Variants in CPED1 observed in about 807,000 individuals in gnomAD.
CPED1 encodes cadherin like and PC-esterase domain containing 1, also known as cadherin-like and PC-esterase domain-containing protein 1.
A neutral mutation model predicts 128.2 loss-of-function variants in CPED1; 114 were observed. That is an observed-to-expected ratio of 0.89 (90% CI 0.76 to 1.04). The LOEUF (loss-of-function observed/expected upper bound fraction) is 1.04. Ranked by LOEUF, CPED1 falls within the 50% of genes least tolerant of loss-of-function variation. The pLI is 0.00. For missense variants in CPED1, 1,211 were observed against 1,207.1 expected, an observed-to-expected ratio of 1.00 and a Z score of -0.05; for synonymous variants, 462 against 426.7, an observed-to-expected ratio of 1.08 and a Z score of -1.02.
intron 16 of CPED1, among the ~76,000 whole-genome samples, chr7:121,208,442 C>T (rs1450833211): frequency 6.6e-6 from 1 of 151,924 alleles, no homozygotes; most frequent in Non-Finnish European, 1.5e-5. Flanking sequence ...TTTATTGAGC[C>T]CTCACCATTT....
At position 121,009,611 on chromosome 7, in the gene CPED1, A is replaced by AG. The variant is rs1792111369; in HGVS notation, c.250-6054_250-6053insG. 2.6e-5 allele frequency among the ~76,000 whole-genome samples: 4 copies of AG among 151,454 alleles called. No individual in the cohort carries two copies. In the South Asian group the frequency reaches 8.3e-4, roughly 32 times the overall value. On this transcript the variant is annotated intron_variant, in intron 2 of 22. Coordinates refer to ENST00000310396, the MANE Select transcript of CPED1 (RefSeq NM_024913.5). Reference sequence around the variant, plus strand: ...GACAGAGCCAGCCCCTGTCTCAAAAAAAAAAAAAAAAAAAAAGTTCACATT... The same window carrying AG: ...GACAGAGCCAGCCCCTGTCTCAAAAAGAAAAAAAAAAAAAAAAGTTCACATT...
At chr7:121,197,646 T>TG (rs1797300339) in intron 16 of CPED1, among the ~76,000 whole-genome samples, 1 of 152,036 alleles carries the variant, frequency 6.6e-6, no homozygotes, top group African/African-American at 2.4e-5. Flanking sequence ...TGTGTGTGTG[T>TG]TTGTGCATGC....
intron 5 of CPED1, among the ~76,000 whole-genome samples, chr7:121,069,004 C>T (rs910555356): frequency 2.6e-5 from 4 of 151,960 alleles, no homozygotes; most frequent in Non-Finnish European, 4.4e-5. Context: ...GTATGCCTAC[C>T]ATTTGCCCCA....
At position 121,100,104 on chromosome 7, in the gene CPED1, C is replaced by T. The variant is rs778844625; in HGVS notation, c.918+10C>T. The T allele has an allele frequency of 1.2e-5, 20 of 1,611,392 alleles. No individual in the cohort carries two copies. The highest frequency in any genetic ancestry group is 6.7e-5 in the East Asian group (3 of 44,854). On this transcript the variant is annotated intron_variant, in intron 7 of 22. Transcript: ENST00000310396. ...ACGCTTCACTGTCAAGGTAAGCTCT[C>T]GGTTGAAGCTATTATTTCACGTAAG...
Position 121,066,564 on chromosome 7 carries a change from T to C in CPED1, c.616+2251T>C, listed in dbSNP as rs937462053. On this transcript the variant is annotated intron_variant, in intron 5 of 22. Transcript: ENST00000310396. ...CTTAATATTTTCTCCCTTTACATGATAAATTATCACTAAGATTTTATCTTT... is the reference window on the plus strand; with the variant it reads ...CTTAATATTTTCTCCCTTTACATGACAAATTATCACTAAGATTTTATCTTT... 2.0e-5 allele frequency among the ~76,000 whole-genome samples: 3 copies of C among 151,682 alleles called. No homozygotes were observed. In the Admixed American group the frequency reaches 2.0e-4, roughly 10 times the overall value.
intron 2 of CPED1, among the ~76,000 whole-genome samples, chr7:121,014,319 G>A (rs928962940): frequency 6.6e-6 from 1 of 152,136 alleles, no homozygotes; most frequent in Non-Finnish European, 1.5e-5. Context: ...TCGGGAGGCC[G>A]AGGTGGGCGG....
chr7:121,123,304 T>G lies in CPED1; in HGVS notation c.919-1027T>G, dbSNP rs572780610. Among the ~76,000 whole-genome samples, 9 of 152,260 alleles carry G rather than the reference T, an allele frequency of 5.9e-5. No individual in the cohort carries two copies. In the East Asian group the frequency reaches 1.5e-3, roughly 26 times the overall value. The stretch of plus-strand genomic sequence containing the variant: ...TTGCTTATGCATTGAGAAGACACAT[T>G]TACCGTTTTTCCACAGGCAATCCAG... On this transcript the variant is annotated intron_variant, in intron 7 of 22. Coordinates refer to ENST00000310396, the MANE Select transcript of CPED1 (RefSeq NM_024913.5).
At chr7:121,102,129 C>T (rs1204185165) in intron 7 of CPED1, among the ~76,000 whole-genome samples, 2 of 152,060 alleles carry the variant, frequency 1.3e-5, no homozygotes, top group Non-Finnish European at 2.9e-5. Context: ...CATATTTCCT[C>T]TTTGTTCTTT....
intron 22 of CPED1, among the ~76,000 whole-genome samples, chr7:121,272,815 C>T (rs758934499): frequency 6.6e-6 from 1 of 152,074 alleles, no homozygotes; most frequent in Non-Finnish European, 1.5e-5. Context: ...GAAGGCTCCT[C>T]TCACTTGGCT....
At chr7:121,186,489 G>T (rs184805594) in intron 16 of CPED1, among the ~76,000 whole-genome samples, 164 of 151,886 alleles carry the variant, frequency 1.1e-3, no homozygotes, top group Middle Eastern at 3.4e-3. Context: ...TAATTTCCTG[G>T]TGCCTAGAAA....
chr7:121,179,630 A>T (rs1343726754), intron 16 of CPED1, among the ~76,000 whole-genome samples: 1 of 152,046 alleles, frequency 6.6e-6, no homozygotes, highest in Admixed American at 6.6e-5. Flanking sequence ...TATTGTTTAC[A>T]TGAATTGAAA....
chr7:121,131,701 T>C (rs911103436), intron 12 of CPED1, among the ~76,000 whole-genome samples: 11 of 151,976 alleles, frequency 7.2e-5, no homozygotes, highest in African/African-American at 2.7e-4. Context: ...GTGAGGACTT[T>C]TTTGAGTCAT....
At chr7:121,035,268 A>T (rs1402767724) in intron 3 of CPED1, among the ~76,000 whole-genome samples, 2 of 152,186 alleles carry the variant, frequency 1.3e-5, no homozygotes, top group Non-Finnish European at 2.9e-5. Flanking sequence ...CTGTATTTTA[A>T]GAGAATAACT....
Position 121,224,578 on chromosome 7 carries a change from A to T in CPED1, c.2056-12136A>T, listed in dbSNP as rs1797957166. 2.0e-5 allele frequency among the ~76,000 whole-genome samples: 3 copies of T among 151,988 alleles called. No homozygotes were observed. In the South Asian group the frequency reaches 6.2e-4, roughly 32 times the overall value. The stretch of plus-strand genomic sequence containing the variant: ...GTGGGGTATTAAAGTCTCCCATTAT[A>T]ATGGTATGGAAATCTAAGTCTCTTT... On this transcript the variant is annotated intron_variant, in intron 16 of 22. Coordinates refer to ENST00000310396, the MANE Select transcript of CPED1 (RefSeq NM_024913.5).
At chr7:121,073,699 T>G (rs1235736432) in intron 5 of CPED1, among the ~76,000 whole-genome samples, 1 of 152,196 alleles carries the variant, frequency 6.6e-6, no homozygotes, top group Non-Finnish European at 1.5e-5. Context: ...CTCATCTCCA[T>G]GAAATCATGA....
rs1415694087 is a variant in CPED1 at position 121,236,776 on chromosome 7, C to T, written c.2118C>T (p.Tyr706=). ...GGTTACAGCCTATTTCTTCTGACTA[C>T]ATTGAAGCCATTTTACAGTCTGAAC... ...TCGLQPISSD[Y]IEAILQSELK... Residue 706 remains tyrosine (Y), a synonymous_variant, in exon 17 of 23, where the codon TAC becomes TAT. Coordinates refer to ENST00000310396, the MANE Select transcript of CPED1 (RefSeq NM_024913.5). The T allele has an allele frequency of 3.1e-6, 5 of 1,609,980 alleles. No homozygotes were observed. Among genetic ancestry groups the T allele is most frequent in the South Asian group, 1.1e-5 (1 of 90,364 alleles).
At chr7:121,185,014 A>G (rs1169451194) in intron 16 of CPED1, among the ~76,000 whole-genome samples, 1 of 152,154 alleles carries the variant, frequency 6.6e-6, no homozygotes, top group African/African-American at 2.4e-5. Context: ...TCTATGGTTA[A>G]AATCACACAC....
At chr7:121,016,486 T>C (rs188253339) in intron 3 of CPED1, among the ~76,000 whole-genome samples, 26 of 152,358 alleles carry the variant, frequency 1.7e-4, no homozygotes, top group African/African-American at 6.0e-4. Context: ...TGGTCACATT[T>C]AACTTACACT....
At chr7:121,219,013 T>C (rs1797820435) in intron 16 of CPED1, among the ~76,000 whole-genome samples, 2 of 152,110 alleles carry the variant, frequency 1.3e-5, no homozygotes, top group Non-Finnish European at 2.9e-5. Flanking sequence ...CTTCCAAAAC[T>C]GATCTAGATT....
Sources: allele counts gnomAD v4.1 joint callset (sites outside exome capture counted in the v4.1 genomes callset), GRCh38; gene constraint gnomAD v4.1.1; transcripts MANE v1.5; gene names NCBI Gene and HGNC (gene_info 2026-07-23, HGNC 2026-07-21).